MPG: variants seen among roughly 807,000 people sequenced by gnomAD.
The protein encoded by MPG is N-methylpurine DNA glycosylase, also known as DNA-3-methyladenine glycosylase.
MPG carries 33 observed loss-of-function variants against 31.7 expected under a neutral mutation model. That is an observed-to-expected ratio of 1.04 (90% confidence interval 0.79 to 1.39). The LOEUF (loss-of-function observed/expected upper bound fraction) is 1.39, where lower values mean the gene tolerates loss of function less well. Among genes scored for constraint, MPG ranks in the 40% most tolerant of loss-of-function variants. The pLI, the probability that MPG is intolerant of heterozygous loss-of-function variation, is 0.00. For missense variants in MPG, 455 were observed against 415.5 expected (o/e 1.10, Z -0.83); for synonymous variants, 202 against 169.2 (o/e 1.19, Z -1.51).
At position 85,519 on chromosome 16, in the gene MPG, G is replaced by A. The variant is rs755493706; in HGVS notation, c.624G>A (p.Glu208=). 1 of 1,613,390 alleles carries A rather than the reference G, an allele frequency of 6.2e-7. No homozygotes were observed. Among genetic ancestry groups the A allele is most frequent in the South Asian group, 1.1e-5 (1 of 91,086 alleles). Residue 208 remains glutamate (E), a synonymous_variant, in exon 4 of 4, where the codon GAG becomes GAA. Transcript: ENST00000356432. ...CCAGCCGTGTCCTCAAGGACCGCGA[G>A]CTCTGCAGTGGCCCCTCCAAGCTGT... The part of the protein sequence containing the change: ...GTASRVLKDR[E]LCSGPSKLCQ...
rs1898414134 is a variant in MPG, at chr16:85,507, C to G, written c.612C>G (p.Leu204=). The part of the protein sequence containing the change: ...TLRKGTASRV[L]KDRELCSGPS... ...GGAAAGGCACCGCCAGCCGTGTCCT[C>G]AAGGACCGCGAGCTCTGCAGTGGCC... The change falls in exon 4 of 4, where the codon CTC becomes CTG. Residue 204 remains leucine (L), a synonymous_variant. Coordinates refer to ENST00000356432, the MANE Select transcript of MPG (RefSeq NM_001015052.3). The G allele has an allele frequency of 6.2e-7, 1 of 1,613,262 alleles. No individual in the cohort carries two copies. Among genetic ancestry groups the G allele is most frequent in the Non-Finnish European group, 8.5e-7 (1 of 1,180,042 alleles).
At chr16:83,309 T>A in intron 3 of MPG, 53 bp downstream of exon 3, 1 of 1,545,916 alleles carries the variant, frequency 6.5e-7, no homozygotes, top group Non-Finnish European at 8.9e-7. Context: ...CCCTGTCCGC[T>A]AGCAGCCAGG....
intron 1 of MPG, 166 bp from the exon 2 acceptor site, chr16:79,259 G>A: frequency 6.4e-7 from 1 of 1,554,744 alleles, no homozygotes; most frequent in Non-Finnish European, 8.7e-7. Context: ...CCTCGAGTGT[G>A]TCAGGGTGTT....
At chr16:80,732 C>A (rs1192232163) in intron 2 of MPG, among the ~76,000 whole-genome samples, 3 of 152,126 alleles carry the variant, frequency 2.0e-5, no homozygotes, top group East Asian at 1.9e-4. Flanking sequence ...TCACTTGAAC[C>A]CGGGAGGCAG....
chr16:79,363 C>G (rs754432727), intron 1 of MPG, 62 bp from the exon 2 acceptor site: 1 of 1,613,930 alleles, frequency 6.2e-7, no homozygotes, highest in East Asian at 2.2e-5. Context: ...ACTTCCTGAG[C>G]CTGACCTTAC....
At chr16:82,833 T>C (rs540577444) in intron 2 of MPG, among the ~76,000 whole-genome samples, 6 of 152,296 alleles carry the variant, frequency 3.9e-5, no homozygotes, top group Admixed American at 3.3e-4. Flanking sequence ...GCGGTCTGGT[T>C]GTCTAGCAGG....
In MPG at chr16:85,808, A is replaced by T. The variant is rs1306766118; in HGVS notation, c.*31A>T. 1.4e-6 allele frequency: 2 copies of T among 1,457,182 alleles called. No individual in the cohort carries two copies. Among genetic ancestry groups the T allele is most frequent in the Non-Finnish European group, 1.8e-6 (2 of 1,102,798 alleles). 90.3% of individuals were successfully genotyped at this position (1,457,182 alleles called of 1,614,324 possible). A position where few individuals can be genotyped will look rare whatever the true frequency, so the allele number is the denominator to read the frequency against. On this transcript the variant is annotated 3_prime_UTR_variant, in exon 4 of 4. Coordinates refer to ENST00000356432, the MANE Select transcript of MPG (RefSeq NM_001015052.3). ...GGGCCTGCCCAGACAAGATTTTTTA[A>T]TTGTTTAAAAACCGAATAAATGTTT...
rs79493124 is a variant in MPG at position 79,816 on chromosome 16, C to T, written c.300+116C>T. ...TCAGTTAGTCCTCCTTGTCCTCATG[C>T]ATTTAGCGGCTTTGCTCACACTGGT... On this transcript the variant is annotated intron_variant, in intron 2 of 3. Coordinates refer to ENST00000356432, the MANE Select transcript of MPG (RefSeq NM_001015052.3). 103 of 1,192,792 alleles carry T rather than the reference C, an allele frequency of 8.6e-5. No homozygotes were observed. In the East Asian group the frequency reaches 2.3e-3, roughly 27 times the overall value. The allele number at this position is 1,192,792 out of a possible 1,614,324, so 73.9% of individuals were successfully genotyped here.
At chr16:82,418 G>A (rs1201527911) in intron 2 of MPG, among the ~76,000 whole-genome samples, 1 of 152,222 alleles carries the variant, frequency 6.6e-6, no homozygotes, top group Non-Finnish European at 1.5e-5. Context: ...GGTCCCCAGT[G>A]CTCTGCTGTT....
intron 3 of MPG, among the ~76,000 whole-genome samples, chr16:85,119 A>G (rs775152966): frequency 7.2e-5 from 11 of 152,144 alleles, no homozygotes; most frequent in South Asian, 2.1e-4. Flanking sequence ...ACAGTGGGGG[A>G]GGCCCTGCCT....
chr16:77,221 G>C (rs1341343132), upstream of MPG: 1 of 152,338 alleles, frequency 6.6e-6, no homozygotes, highest in Admixed American at 6.5e-5. Flanking sequence ...GGGTGGGATT[G>C]TGCCTGCCAC....
At position 83,287 on chromosome 16, in the gene MPG, G is replaced by A. The variant is rs1898305845; in HGVS notation, c.505+31G>A. The A allele has an allele frequency of 5.0e-6, 8 of 1,592,012 alleles. 1 individual carries two copies. The East Asian group carries it at 1.1e-4, about 22-fold the overall frequency. ...CAGTGCTGGGGCACGGGGGGTTGGAGGGCCGGCAGAGCCCTGTCCGCTAGC... is the reference window on the plus strand; with the variant it reads ...CAGTGCTGGGGCACGGGGGGTTGGAAGGCCGGCAGAGCCCTGTCCGCTAGC... On this transcript the variant is annotated intron_variant, in intron 3 of 3. Transcript: ENST00000356432.
Position 78,314 on chromosome 16 carries a change from C to T in MPG, c.5C>T (p.Pro2Leu). Residue 2 changes from proline to leucine, a missense_variant, in exon 1 of 4, where the codon CCC becomes CTC. Physicochemically the swap from Pro to Leu is moderately conservative, Grantham distance 98. Transcript: ENST00000356432. ...AGCCCCGGCCCGAGCCGCCGGATGC[C>T]CGCGCGCAGCGGGGCCCAGGTGAGC... M[P>L]ARSGAQFCRR... 11 of 1,328,652 alleles carry T rather than the reference C, an allele frequency of 8.3e-6. No homozygotes were observed. Among genetic ancestry groups the T allele is most frequent in the Non-Finnish European group, 8.7e-6 (9 of 1,038,074 alleles). 82.3% of individuals were successfully genotyped at this position (1,328,652 alleles called of 1,614,324 possible). A position where few individuals can be genotyped will look rare whatever the true frequency, so the allele number is the denominator to read the frequency against.
intron 3 of MPG, 84 bp downstream of exon 3, chr16:83,340 G>A (rs1898307553): frequency 1.5e-6 from 2 of 1,378,262 alleles, no homozygotes; most frequent in South Asian, 1.2e-5. Context: ...GAGGACTGAG[G>A]TGGGGCCAGC....
chr16:80,581 T>C (rs3176403), intron 2 of MPG, among the ~76,000 whole-genome samples: 23,960 of 151,838 alleles, frequency 0.16, 6,238 homozygotes, highest in African/African-American at 0.54. Context: ...GAGGCGGAGG[T>C]GGGTGGATCA....
chr16:82,569 C>G (rs1898279876), intron 2 of MPG, among the ~76,000 whole-genome samples: 1 of 152,152 alleles, frequency 6.6e-6, no homozygotes, highest in South Asian at 2.1e-4. Flanking sequence ...TTGTGGCCAC[C>G]TCAGCAGCCC....
At chr16:78,537 C>T (rs1272826567) in intron 1 of MPG, among the ~76,000 whole-genome samples, 2 of 152,178 alleles carry the variant, frequency 1.3e-5, no homozygotes, top group African/African-American at 4.8e-5. Context: ...ACCCACGGCG[C>T]GCTGGCAGCG....
intron 3 of MPG, 113 bp downstream of exon 3, chr16:83,369 C>T: frequency 3.7e-6 from 4 of 1,085,772 alleles, no homozygotes; most frequent in Non-Finnish European, 5.4e-6. Flanking sequence ...GAGGAGGTGC[C>T]ACTTCCAGGC....
At chr16:79,788 C>G (rs997877004) in intron 2 of MPG, 88 bp downstream of exon 2, 24 of 1,425,428 alleles carry the variant, frequency 1.7e-5, no homozygotes, top group Non-Finnish European at 2.3e-5. Flanking sequence ...GCTGGATTGG[C>G]CCTCAGTTAG....
Sources: allele counts gnomAD v4.1 joint callset (sites outside exome capture counted in the v4.1 genomes callset), GRCh38; gene constraint gnomAD v4.1.1; transcripts MANE v1.5; gene names NCBI Gene and HGNC (gene_info 2026-07-23, HGNC 2026-07-21).